The following CSMD1 variants were observed in gnomAD, a reference collection of about 807,000 sequenced individuals.
CSMD1 encodes CUB and sushi domain-containing protein 1.
In CSMD1, 213 loss-of-function variants were observed where a neutral mutation model predicts 417.5. The ratio of observed to expected loss-of-function variants is 0.51; its 90% CI spans 0.46 to 0.57. CSMD1 has a LOEUF of 0.57. CSMD1 is among the 20% of genes least tolerant of loss of function. CSMD1 has a pLI of 0.00. For missense variants in CSMD1, 6,923 were observed against 4,529.7 expected, an observed-to-expected ratio of 1.53 and a Z score of -15.17; for synonymous variants, 2,862 against 1,736.8, an observed-to-expected ratio of 1.65 and a Z score of -16.11.
chr8:4,891,700 C>G (rs1804134854), intron 1 of CSMD1, among the ~76,000 whole-genome samples: 2 of 152,160 alleles, frequency 1.3e-5, no homozygotes, highest in South Asian at 4.1e-4. Flanking sequence ...TTAATGCATA[C>G]AAAACCACTT....
At chr8:4,157,909 G>A (rs1000186435) in intron 3 of CSMD1, among the ~76,000 whole-genome samples, 1 of 152,142 alleles carries the variant, frequency 6.6e-6, no homozygotes, top group Admixed American at 6.5e-5. Context: ...CTGAACTTGG[G>A]CTTGTCCCTG....
At chr8:3,376,643 C>CA (rs2116748314) in intron 18 of CSMD1, among the ~76,000 whole-genome samples, 1 of 152,026 alleles carries the variant, frequency 6.6e-6, no homozygotes, top group African/African-American at 2.4e-5. Context: ...TTGTCTTTCA[C>CA]AAAATTAGAG....
At chr8:3,078,476 G>T (rs1322127745) in intron 49 of CSMD1, among the ~76,000 whole-genome samples, 1 of 152,198 alleles carries the variant, frequency 6.6e-6, no homozygotes, top group Admixed American at 6.5e-5. Context: ...ACTGCAGAAA[G>T]TAACTGATAT....
At chr8:3,325,556 G>C (rs1050845846) in intron 23 of CSMD1, among the ~76,000 whole-genome samples, 2 of 152,182 alleles carry the variant, frequency 1.3e-5, no homozygotes, top group Non-Finnish European at 2.9e-5. Flanking sequence ...GGGCATGCTG[G>C]CTCACGCCTG....
In CSMD1 at chr8:3,264,003, ATTTG is replaced by A. The variant is rs1336524046; in HGVS notation, c.4153+20137_4153+20140del. ...TCCTCATGAAACTGAAAGATCCTTA[ATTTG>A]TTTATTTAAAGAGACTTCAGTTTTT... On this transcript the variant is annotated intron_variant, in intron 26 of 69. Transcript: ENST00000635120. 3.3e-5 allele frequency among the ~76,000 whole-genome samples: 5 copies of A among 152,334 alleles called. No homozygotes were observed. The East Asian group carries it at 5.8e-4, about 18-fold the overall frequency.
At chr8:4,682,640 AT>A (rs1325516106) in intron 1 of CSMD1, among the ~76,000 whole-genome samples, 4 of 152,082 alleles carry the variant, frequency 2.6e-5, no homozygotes, top group African/African-American at 7.2e-5. Flanking sequence ...TTTATTTGTA[AT>A]TTTGGATTTT....
intron 1 of CSMD1, among the ~76,000 whole-genome samples, chr8:4,662,578 A>G (rs1373433139): frequency 6.6e-6 from 1 of 152,202 alleles, no homozygotes; most frequent in African/African-American, 2.4e-5. Flanking sequence ...GATGTCATTC[A>G]TGTGCCCAAC....
chr8:3,390,368 A>AG, intron 17 of CSMD1, among the ~76,000 whole-genome samples: 1 of 151,540 alleles, frequency 6.6e-6, no homozygotes, highest in East Asian at 1.9e-4. Flanking sequence ...AAAAAAAAAA[A>AG]AAAAAAAAAA....
At chr8:4,713,697 A>C (rs983077891) in intron 1 of CSMD1, among the ~76,000 whole-genome samples, 5 of 152,208 alleles carry the variant, frequency 3.3e-5, no homozygotes, top group Admixed American at 2.0e-4. Flanking sequence ...GCTGCTCGCC[A>C]CTGCCTCACG....
chr8:3,947,799 G>C (rs188930687), intron 5 of CSMD1, among the ~76,000 whole-genome samples: 2 of 152,136 alleles, frequency 1.3e-5, no homozygotes, highest in Admixed American at 1.3e-4. Context: ...CTGTTCAAGG[G>C]GAAGTGTTTC....
intron 5 of CSMD1, among the ~76,000 whole-genome samples, chr8:3,790,572 ATTTTT>A (rs905234182): frequency 2.0e-5 from 3 of 151,818 alleles, no homozygotes; most frequent in Non-Finnish European, 4.4e-5. Context: ...AACAATCATA[ATTTTT>A]TTTTATGTTT....
At chr8:3,448,953 A>C (rs916691109) in intron 12 of CSMD1, among the ~76,000 whole-genome samples, 1 of 152,248 alleles carries the variant, frequency 6.6e-6, no homozygotes, top group Admixed American at 6.5e-5. Flanking sequence ...GTAGGAAAGA[A>C]GGTGACAGCC....
chr8:4,708,116 G>T (rs965639455), intron 1 of CSMD1, among the ~76,000 whole-genome samples: 11 of 127,530 alleles, frequency 8.6e-5, no homozygotes, highest in South Asian at 2.5e-4. Context: ...CTAATTTTTT[G>T]TATTTTTTTT....
At chr8:4,004,747 G>C (rs947873024) in intron 4 of CSMD1, among the ~76,000 whole-genome samples, 2 of 151,536 alleles carry the variant, frequency 1.3e-5, no homozygotes, top group South Asian at 4.2e-4. Context: ...TTCTTTTTTT[G>C]TTTTGTTTTG....
At chr8:4,155,717 C>G (rs1224719801) in intron 3 of CSMD1, among the ~76,000 whole-genome samples, 2 of 152,102 alleles carry the variant, frequency 1.3e-5, no homozygotes, top group African/African-American at 4.8e-5. Context: ...TTCGTCAAAT[C>G]ACAACAGAAA....
At chr8:3,553,856 CAT>C in intron 10 of CSMD1, among the ~76,000 whole-genome samples, 1 of 152,256 alleles carries the variant, frequency 6.6e-6, no homozygotes, top group Non-Finnish European at 1.5e-5. Context: ...TGAAAACACA[CAT>C]ATGCCAAACA....
intron 1 of CSMD1, among the ~76,000 whole-genome samples, chr8:4,808,363 A>C (rs79792162): frequency 1.3e-5 from 2 of 152,156 alleles, no homozygotes; most frequent in Non-Finnish European, 2.9e-5. Flanking sequence ...TTGGTAGGGC[A>C]CTATCTAGAT....
chr8:3,040,996 T>C (rs907297125), intron 50 of CSMD1, among the ~76,000 whole-genome samples: 9 of 152,192 alleles, frequency 5.9e-5, no homozygotes, highest in African/African-American at 2.2e-4. Context: ...TCCTTTTCTC[T>C]GCCTAATATT....
chr8:3,554,012 T>C lies in CSMD1; in HGVS notation c.1344+20933A>G, dbSNP rs186020513. ...TTGCTTTCTCTAGGACTGATTTTATTTTTCAAAAAAAATAAGTAAACATTA... is the reference window on the plus strand; with the variant it reads ...TTGCTTTCTCTAGGACTGATTTTATCTTTCAAAAAAAATAAGTAAACATTA... On this transcript the variant is annotated intron_variant, in intron 10 of 69. Coordinates refer to ENST00000635120, the MANE Select transcript of CSMD1 (RefSeq NM_033225.6). Among the ~76,000 whole-genome samples the C allele has an allele frequency of 4.6e-5, 7 of 152,290 alleles. No homozygotes were observed. The East Asian group carries it at 1.4e-3, about 29-fold the overall frequency.
Sources: gnomAD v4.1 joint callset for allele counts (sites outside exome capture counted in the v4.1 genomes callset) on GRCh38, gnomAD v4.1.1 for gene constraint, MANE v1.5 for transcripts, NCBI Gene and HGNC (gene_info 2026-07-23, HGNC 2026-07-21) for gene names.